Variants in SNX29 observed in about 807,000 individuals in gnomAD.
The protein encoded by SNX29 is sorting nexin 29, also known as sorting nexin-29.
In SNX29, 78 loss-of-function variants were observed where a neutral mutation model predicts 102.1. That is an observed-to-expected ratio of 0.76 (90% CI 0.64 to 0.92). SNX29 has a LOEUF of 0.92. Ranked by LOEUF, SNX29 falls within the 40% of genes least tolerant of loss-of-function variation. SNX29 has a pLI of 0.00. For synonymous variants in SNX29, 580 were observed against 414.5 expected, an observed-to-expected ratio of 1.40 and a Z score of -4.85; for missense variants, 1,280 against 1,061.7, an observed-to-expected ratio of 1.21 and a Z score of -2.86.
chr16:12,513,595 T>G (rs1392690088), intron 19 of SNX29, among the ~76,000 whole-genome samples: 13 of 152,178 alleles, frequency 8.5e-5, no homozygotes, highest in Admixed American at 6.5e-4. Flanking sequence ...CAGGACCTGT[T>G]CCAGCCTCTC....
chr16:12,322,109 A>C (rs943995165), intron 15 of SNX29, among the ~76,000 whole-genome samples: 3 of 152,190 alleles, frequency 2.0e-5, no homozygotes, highest in South Asian at 2.1e-4. Flanking sequence ...TGGCTCCAAC[A>C]GTGCCAGGCT....
chr16:11,979,787 T>G (rs757482047), intron 1 of SNX29, among the ~76,000 whole-genome samples: 5 of 152,080 alleles, frequency 3.3e-5, no homozygotes, highest in Admixed American at 3.3e-4. Context: ...TTTCGCTGTG[T>G]TGGCCAGGCT....
At chr16:12,024,690 G>A (rs1419204497) in intron 3 of SNX29, among the ~76,000 whole-genome samples, 1 of 152,180 alleles carries the variant, frequency 6.6e-6, no homozygotes, top group Non-Finnish European at 1.5e-5. Flanking sequence ...CAGTTCGCCT[G>A]CATTCCATTC....
chr16:12,519,922 C>G (rs941905275), intron 19 of SNX29, among the ~76,000 whole-genome samples: 2 of 152,114 alleles, frequency 1.3e-5, no homozygotes, highest in South Asian at 2.1e-4. Flanking sequence ...GCAGGAGAAT[C>G]TCTTGAACCA....
chr16:12,070,418 A>G (rs1237603535), intron 10 of SNX29, among the ~76,000 whole-genome samples: 1 of 147,150 alleles, frequency 6.8e-6, no homozygotes, highest in Non-Finnish European at 1.5e-5. Context: ...ATGAGTGAGA[A>G]CATGTGGTGT....
intron 16 of SNX29, among the ~76,000 whole-genome samples, chr16:12,395,508 G>A (rs901093254): frequency 2.6e-5 from 4 of 152,206 alleles, no homozygotes; most frequent in African/African-American, 7.2e-5. Context: ...CTCTAGTAAC[G>A]GGCTTTGCCT....
At chr16:12,043,419 A>C in intron 5 of SNX29, among the ~76,000 whole-genome samples, 1 of 151,766 alleles carries the variant, frequency 6.6e-6, no homozygotes, top group Non-Finnish European at 1.5e-5. Context: ...CAGTGGCATG[A>C]ACATGGGTCT....
intron 18 of SNX29, among the ~76,000 whole-genome samples, chr16:12,426,929 G>T (rs1015978227): frequency 6.6e-6 from 1 of 152,194 alleles, no homozygotes; most frequent in African/African-American, 2.4e-5. Context: ...GCCTCCCAAA[G>T]TGCTGGGATT....
intron 18 of SNX29, among the ~76,000 whole-genome samples, chr16:12,428,885 G>A (rs7196294): frequency 0.011 from 1,692 of 152,192 alleles, 38 homozygotes; most frequent in African/African-American, 0.038. Flanking sequence ...ACACAGATAC[G>A]ATTGCAATTA....
At chr16:12,408,336 T>C (rs888396476) in intron 18 of SNX29, among the ~76,000 whole-genome samples, 3 of 152,222 alleles carry the variant, frequency 2.0e-5, no homozygotes, top group Non-Finnish European at 4.4e-5. Flanking sequence ...ATAGGACCTC[T>C]CTGGGTCCAC....
At chr16:12,464,092 G>C (rs75187629) in intron 18 of SNX29, among the ~76,000 whole-genome samples, 1 of 151,240 alleles carries the variant, frequency 6.6e-6, no homozygotes, top group African/African-American at 2.4e-5. Context: ...ACTCACGTCC[G>C]CCTGTAAGTG....
At chr16:12,319,645 A>T (rs1309760707) in intron 15 of SNX29, among the ~76,000 whole-genome samples, 1 of 152,162 alleles carries the variant, frequency 6.6e-6, no homozygotes, top group Non-Finnish European at 1.5e-5. Flanking sequence ...AGTGATGAGG[A>T]GGGCTGGTTT....
intron 11 of SNX29, among the ~76,000 whole-genome samples, chr16:12,104,486 G>A (rs28725347): frequency 0.27 from 40,449 of 151,876 alleles, 6,639 homozygotes; most frequent in East Asian, 0.48. Context: ...AACCCGGGAG[G>A]CAGAGGTTGC....
intron 15 of SNX29, among the ~76,000 whole-genome samples, chr16:12,317,940 C>T (rs574231194): frequency 4.6e-5 from 7 of 152,232 alleles, no homozygotes; most frequent in East Asian, 1.9e-4. Flanking sequence ...CCATTTCTAC[C>T]GGCCTGGGGG....
chr16:12,030,940 C>T (rs1168870139), intron 4 of SNX29, among the ~76,000 whole-genome samples: 1 of 152,208 alleles, frequency 6.6e-6, no homozygotes, highest in Non-Finnish European at 1.5e-5. Context: ...CACGCCCCTG[C>T]CTTGGGACTC....
At chr16:12,088,004 T>G (rs930174210) in intron 11 of SNX29, 1 of 456,520 alleles carries the variant, frequency 2.2e-6, no homozygotes, top group Non-Finnish European at 4.4e-6. Context: ...CATGGTCCTT[T>G]GGGGGGTATG....
At chr16:12,163,228 C>A (rs1184853044) in intron 13 of SNX29, among the ~76,000 whole-genome samples, 1 of 152,172 alleles carries the variant, frequency 6.6e-6, no homozygotes, top group African/African-American at 2.4e-5. Flanking sequence ...GCGGAGCCCC[C>A]AGGGTGAATT....
chr16:12,110,729 T>G (rs1242414900), intron 11 of SNX29, among the ~76,000 whole-genome samples: 1 of 152,172 alleles, frequency 6.6e-6, no homozygotes, highest in Non-Finnish European at 1.5e-5. Flanking sequence ...ATCATCCAGT[T>G]TTCTGTTGAC....
chr16:12,313,352 T>C (rs2080626309), intron 15 of SNX29, among the ~76,000 whole-genome samples: 1 of 152,100 alleles, frequency 6.6e-6, no homozygotes, highest in Non-Finnish European at 1.5e-5. Context: ...GGTTGATGTG[T>C]CTGTGAAGTA....
Sources: gnomAD v4.1 joint callset for allele counts (sites outside exome capture counted in the v4.1 genomes callset) on GRCh38, gnomAD v4.1.1 for gene constraint, MANE v1.5 for transcripts, NCBI Gene and HGNC (gene_info 2026-07-23, HGNC 2026-07-21) for gene names.